CXADR: variants seen among roughly 807,000 people sequenced by gnomAD.
The protein encoded by CXADR is CXADR cell adhesion molecule.
A neutral mutation model predicts 40.3 loss-of-function variants in CXADR; 20 were observed. That is an observed-to-expected ratio of 0.50 (90% CI 0.35 to 0.72). CXADR has a LOEUF of 0.72. Among genes scored for constraint, CXADR ranks in the 30% least tolerant of loss-of-function variants. CXADR has a pLI of 0.01. For missense variants in CXADR, 332 were observed against 449.1 expected (o/e 0.74, Z 2.36); for synonymous variants, 150 against 161.3 (o/e 0.93, Z 0.53).
At chr21:17,594,317 A>T (rs2061475117), downstream of CXADR, 12 of 1,612,794 alleles carry the variant, frequency 7.4e-6, no homozygotes, top group Non-Finnish European at 1.0e-5. Flanking sequence ...AGAGGTGGAA[A>T]TATAAGTTCT....
intron 7 of CXADR, among the ~76,000 whole-genome samples, chr21:17,590,028 T>C (rs998814258): frequency 2.6e-5 from 4 of 152,116 alleles, no homozygotes; most frequent in Admixed American, 2.6e-4. Context: ...CTAGTCTAGA[T>C]AGAAATGTGT....
chr21:17,572,225 G>C (rs1162429966), downstream of CXADR, among the ~76,000 whole-genome samples: 5 of 131,388 alleles, frequency 3.8e-5, no homozygotes, highest in Non-Finnish European at 8.4e-5. Flanking sequence ...AAAAAAATTA[G>C]GCAGGCGTGG....
At chr21:17,626,440 G>T in the CXADR span, among the ~76,000 whole-genome samples, 39,844 of 151,972 alleles carry the variant, frequency 0.26, 5,468 homozygotes, top group East Asian at 0.38. Flanking sequence ...GAATTAGAAG[G>T]GGGTAGATGG....
At chr21:17,615,064 C>A in the CXADR span, among the ~76,000 whole-genome samples, 1 of 152,114 alleles carries the variant, frequency 6.6e-6, no homozygotes, top group African/African-American at 2.4e-5. Context: ...ACTAAATCCC[C>A]AATGTGATGG....
At chr21:17,632,169 A>G in the CXADR span, among the ~76,000 whole-genome samples, 2 of 152,298 alleles carry the variant, frequency 1.3e-5, no homozygotes, top group Non-Finnish European at 2.9e-5. Flanking sequence ...GAGTATAAAT[A>G]ACTTATTTAT....
intron 7 of CXADR, among the ~76,000 whole-genome samples, chr21:17,587,438 G>T (rs1377513089): frequency 6.6e-6 from 1 of 152,138 alleles, no homozygotes; most frequent in Non-Finnish European, 1.5e-5. Context: ...CATTCTAACT[G>T]GTGTGAGATG....
the CXADR span, chr21:17,609,292 G>C: frequency 1.3e-6 from 1 of 799,222 alleles, no homozygotes; most frequent in South Asian, 2.0e-5. Flanking sequence ...TATATCTGAA[G>C]TAGAGAACAA....
At chr21:17,593,138 T>C in intron 7 of CXADR, 2 of 1,409,762 alleles carry the variant, frequency 1.4e-6, no homozygotes, top group East Asian at 2.7e-5. Flanking sequence ...ATATCTCTTT[T>C]TTTCTTTTTG....
At chr21:17,611,706 T>G in the CXADR span, 1 of 152,286 alleles carries the variant, frequency 6.6e-6, no homozygotes, top group African/African-American at 2.4e-5. Flanking sequence ...GACGTCATCC[T>G]GGGACCTCGT....
At chr21:17,553,770 C>T (rs954837671) in intron 3 of CXADR, among the ~76,000 whole-genome samples, 4 of 151,922 alleles carry the variant, frequency 2.6e-5, no homozygotes, top group Non-Finnish European at 4.4e-5. Context: ...TACAGGTGCC[C>T]GCCACCACAC....
At chr21:17,523,853 C>G (rs1189411305) in intron 1 of CXADR, among the ~76,000 whole-genome samples, 2 of 151,748 alleles carry the variant, frequency 1.3e-5, no homozygotes, top group Non-Finnish European at 2.9e-5. Flanking sequence ...TAGGTTGGTT[C>G]TTTTTATTTT....
At chr21:17,613,596 C>T in the CXADR span, 1 of 152,324 alleles carries the variant, frequency 6.6e-6, no homozygotes, top group East Asian at 1.9e-4. Flanking sequence ...GGAGAGGCTC[C>T]AAAGATGTTG....
chr21:17,618,442 T>C, the CXADR span, among the ~76,000 whole-genome samples: 1 of 152,214 alleles, frequency 6.6e-6, no homozygotes, highest in Admixed American at 6.5e-5. Context: ...CAATAGTAAA[T>C]CCTTTCCCTA....
At chr21:17,542,613 C>T (rs371464918) in intron 1 of CXADR, among the ~76,000 whole-genome samples, 58 of 152,076 alleles carry the variant, frequency 3.8e-4, no homozygotes, top group African/African-American at 1.3e-3. Context: ...GATGTGGTTC[C>T]GTCTGTTTAT....
the CXADR span, chr21:17,612,357 G>A: frequency 6.6e-6 from 1 of 152,258 alleles, no homozygotes; most frequent in Admixed American, 6.5e-5. Flanking sequence ...CCGACGCGAA[G>A]GGGGTGGACA....
intron 7 of CXADR, among the ~76,000 whole-genome samples, chr21:17,584,387 T>C (rs17755917): frequency 0.1 from 15,889 of 152,260 alleles, 962 homozygotes; most frequent in East Asian, 0.19. Context: ...GGAAAGAGCG[T>C]ATTGTAGTGC....
At chr21:17,544,891 A>G (rs886202530) in intron 1 of CXADR, among the ~76,000 whole-genome samples, 1 of 152,154 alleles carries the variant, frequency 6.6e-6, no homozygotes, top group African/African-American at 2.4e-5. Flanking sequence ...TTAAAATTTT[A>G]TTAGAACTGA....
chr21:17,609,464 G>A, the CXADR span, among the ~76,000 whole-genome samples: 7 of 152,192 alleles, frequency 4.6e-5, no homozygotes, highest in South Asian at 4.2e-4. Context: ...TAAATGATAC[G>A]ACATAGATGT....
chr21:17,534,803 T>TTTTTTTTTTTTA (rs397766522), intron 1 of CXADR, among the ~76,000 whole-genome samples: 2 of 150,606 alleles, frequency 1.3e-5, no homozygotes, highest in African/African-American at 2.4e-5. Flanking sequence ...TTTTTTTTTT[T>TTTTTTTTTTTTA]GAGAAGGACT....
Sources: allele counts gnomAD v4.1 joint callset (sites outside exome capture counted in the v4.1 genomes callset), GRCh38; gene constraint gnomAD v4.1.1; transcripts MANE v1.5; gene names NCBI Gene and HGNC (gene_info 2026-07-23, HGNC 2026-07-21).